CA10: variants seen among roughly 807,000 people sequenced by gnomAD.
The protein encoded by CA10 is carbonic anhydrase-related protein 10.
CA10 carries 14 observed loss-of-function variants against 44.2 expected under a neutral mutation model. That is an observed-to-expected ratio of 0.32 (90% CI 0.21 to 0.50). The LOEUF is 0.50. Among genes scored for constraint, CA10 ranks in the 20% least tolerant of loss-of-function variants. The probability of loss-of-function intolerance (pLI) is 0.99; values close to 1 mark genes in which losing one functional copy is unlikely to be tolerated. For missense variants in CA10, 350 were observed against 409.7 expected (o/e 0.85, Z 1.26); for synonymous variants, 159 against 141.6 (o/e 1.12, Z -0.87).
chr17:51,814,644 C>CCATG lies in CA10; in HGVS notation c.280-66830_280-66827dup, dbSNP rs1489184667. 5.9e-5 allele frequency among the ~76,000 whole-genome samples: 9 copies of CCATG among 152,274 alleles called. No homozygotes were observed. The East Asian group carries it at 1.7e-3, about 29-fold the overall frequency. On this transcript the variant is annotated intron_variant, in intron 3 of 8. Coordinates refer to ENST00000451037, the MANE Select transcript of CA10 (RefSeq NM_020178.5). ...AACTAGGTTTTCTGGTGCTCCTGTT[C>CCATG]CATGGAACCCTTAGTATAATCAAGA... is the stretch of plus-strand genomic sequence containing the variant.
intron 3 of CA10, among the ~76,000 whole-genome samples, chr17:51,779,726 T>A (rs1905970638): frequency 6.6e-6 from 1 of 152,212 alleles, no homozygotes; most frequent in Admixed American, 6.5e-5. Flanking sequence ...AACACACAGC[T>A]TCCTTGGCCC....
intron 3 of CA10, among the ~76,000 whole-genome samples, chr17:51,877,919 C>T (rs748348165): frequency 2.6e-4 from 39 of 151,770 alleles, no homozygotes; most frequent in Non-Finnish European, 3.8e-4. Context: ...CCGAGGCAGA[C>T]GGATCACAAG....
intron 2 of CA10, among the ~76,000 whole-genome samples, chr17:52,019,284 T>C (rs1986063734): frequency 6.6e-6 from 1 of 152,144 alleles, no homozygotes; most frequent in Admixed American, 6.5e-5. Context: ...ATTATTCTCT[T>C]TAATGAACAA....
intron 3 of CA10, among the ~76,000 whole-genome samples, chr17:51,751,360 C>T (rs951920835): frequency 5.3e-5 from 8 of 152,048 alleles, no homozygotes; most frequent in Admixed American, 4.6e-4. Context: ...GATGGTTGTA[C>T]AACAATATGA....
intron 1 of CA10, among the ~76,000 whole-genome samples, chr17:52,108,473 C>T (rs1389537448): frequency 1.6e-4 from 24 of 151,178 alleles, no homozygotes; most frequent in African/African-American, 5.3e-4. Flanking sequence ...CCAAGGCAGG[C>T]GAATCACGAG....
chr17:52,012,733 A>G (rs1424081726), intron 2 of CA10, among the ~76,000 whole-genome samples: 2 of 152,020 alleles, frequency 1.3e-5, no homozygotes, highest in Non-Finnish European at 2.9e-5. Flanking sequence ...ATTGTCTACA[A>G]TTTTTCAATA....
intron 1 of CA10, among the ~76,000 whole-genome samples, chr17:52,093,806 G>T (rs576502912): frequency 2.2e-4 from 34 of 152,252 alleles, no homozygotes; most frequent in South Asian, 8.3e-4. Flanking sequence ...TAGATGTTTT[G>T]CAAGTATATC....
chr17:51,849,336 T>C (rs1978686805), intron 3 of CA10, among the ~76,000 whole-genome samples: 1 of 148,522 alleles, frequency 6.7e-6, no homozygotes, highest in Non-Finnish European at 1.5e-5. Flanking sequence ...CCTACCACAG[T>C]GCCTAGCACA....
chr17:51,754,539 T>C (rs1445800167), intron 3 of CA10, among the ~76,000 whole-genome samples: 1 of 150,648 alleles, frequency 6.6e-6, no homozygotes, highest in Non-Finnish European at 1.5e-5. Flanking sequence ...CAAGAGCTGA[T>C]GCTGTAGTTT....
At chr17:51,798,443 C>T (rs547337497) in intron 3 of CA10, among the ~76,000 whole-genome samples, 1 of 152,154 alleles carries the variant, frequency 6.6e-6, no homozygotes, top group African/African-American at 2.4e-5. Flanking sequence ...TTCTGGTTTA[C>T]AATATCCCTA....
chr17:51,731,179 C>A (rs1477942265), intron 4 of CA10, among the ~76,000 whole-genome samples: 1 of 152,108 alleles, frequency 6.6e-6, no homozygotes, highest in Non-Finnish European at 1.5e-5. Flanking sequence ...GAGATGGAGA[C>A]CATCGTGGCC....
intron 4 of CA10, among the ~76,000 whole-genome samples, chr17:51,723,389 G>A (rs1916413353): frequency 6.6e-6 from 1 of 152,152 alleles, no homozygotes; most frequent in African/African-American, 2.4e-5. Context: ...AGAAAAGGAT[G>A]GATTCCGTAT....
chr17:51,945,892 A>G (rs1215814704), intron 2 of CA10, among the ~76,000 whole-genome samples: 1 of 152,092 alleles, frequency 6.6e-6, no homozygotes. Flanking sequence ...ACAAAAACAC[A>G]CTTAGGAAAG....
At chr17:51,954,868 C>T (rs1983608354) in intron 2 of CA10, among the ~76,000 whole-genome samples, 1 of 152,160 alleles carries the variant, frequency 6.6e-6, no homozygotes, top group Admixed American at 6.6e-5. Context: ...AGGGATGAGG[C>T]TTCTTTCTAT....
intron 3 of CA10, among the ~76,000 whole-genome samples, chr17:51,807,794 G>A (rs1045675310): frequency 1.3e-5 from 2 of 152,248 alleles, no homozygotes; most frequent in Non-Finnish European, 2.9e-5. Flanking sequence ...TTTCACTTAT[G>A]TGAAATTCAA....
intron 4 of CA10, among the ~76,000 whole-genome samples, chr17:51,733,789 C>G (rs1916801074): frequency 6.6e-6 from 1 of 152,154 alleles, no homozygotes; most frequent in Admixed American, 6.5e-5. Context: ...AGAATTGAAA[C>G]AAAACCTAAG....
At chr17:51,635,755 A>G in intron 7 of CA10, 100 bp downstream of exon 7, 4 of 885,038 alleles carry the variant, frequency 4.5e-6, no homozygotes, top group Non-Finnish European at 6.7e-6. Context: ...ACTTTGTTAT[A>G]GTGGTCCTAG....
At chr17:51,783,591 TAAGA>T (rs1415252700) in intron 3 of CA10, among the ~76,000 whole-genome samples, 2 of 146,914 alleles carry the variant, frequency 1.4e-5, no homozygotes, top group Non-Finnish European at 3.0e-5. Flanking sequence ...GCAAGGAGAA[TAAGA>T]AAGAAGAAGG....
intron 1 of CA10, among the ~76,000 whole-genome samples, chr17:52,112,019 G>A (rs1174839481): frequency 6.6e-6 from 1 of 152,004 alleles, no homozygotes; most frequent in Non-Finnish European, 1.5e-5. Flanking sequence ...AGGAAATGGG[G>A]ATTTTATACA....
Sources: gnomAD v4.1 joint callset for allele counts (sites outside exome capture counted in the v4.1 genomes callset) on GRCh38, gnomAD v4.1.1 for gene constraint, MANE v1.5 for transcripts, NCBI Gene and HGNC (gene_info 2026-07-23, HGNC 2026-07-21) for gene names.